Variants in ELP6 observed in about 807,000 individuals in gnomAD.
ELP6 encodes the protein elongator acetyltransferase complex subunit 6.
In ELP6, 23 loss-of-function variants were observed where a neutral mutation model predicts 28.1. The observed-to-expected ratio is 0.82, with a 90% CI of 0.59 to 1.16. The LOEUF (loss-of-function observed/expected upper bound fraction) is 1.16, where lower values mean the gene tolerates loss of function less well. Among genes scored for constraint, ELP6 ranks in the 50% most tolerant of loss-of-function variants. The pLI, the probability that ELP6 is intolerant of heterozygous loss-of-function variation, is 0.00. For missense variants in ELP6, 313 were observed against 334.6 expected (o/e 0.94, Z 0.50); for synonymous variants, 132 against 135.8 (o/e 0.97, Z 0.19).
intron 5 of ELP6, among the ~76,000 whole-genome samples, chr3:47,500,724 T>G (rs1407925421): frequency 6.6e-6 from 1 of 152,218 alleles, no homozygotes; most frequent in Non-Finnish European, 1.5e-5. Context: ...CCCTGGTTCC[T>G]GGCTCTGCAA....
At chr3:47,507,342 C>G (rs1486154197) in intron 3 of ELP6, among the ~76,000 whole-genome samples, 1 of 126,682 alleles carries the variant, frequency 7.9e-6, no homozygotes, top group Non-Finnish European at 1.6e-5. Flanking sequence ...GCCTGGGCAA[C>G]AAGAGTGAAA....
Position 47,495,967 on chromosome 3 carries a change from C to T in ELP6, c.*102G>A. The T allele has an allele frequency of 1.9e-6, 3 of 1,591,408 alleles. No homozygotes were observed. Among genetic ancestry groups the T allele is most frequent in the African/African-American group, 1.4e-5 (1 of 73,844 alleles). ...GTCACAGTGGAGTCGCCGGTCCAGCCTGAAATATTACTACAGAGGAGAAAG... is the reference window on the plus strand; with the variant it reads ...GTCACAGTGGAGTCGCCGGTCCAGCTTGAAATATTACTACAGAGGAGAAAG... On this transcript the variant is annotated 3_prime_UTR_variant, in exon 7 of 7. Transcript: ENST00000296149.
intron 1 of ELP6, 99 bp downstream of exon 1, chr3:47,513,438 C>T: frequency 1.3e-6 from 2 of 1,542,980 alleles, no homozygotes; most frequent in Non-Finnish European, 8.7e-7. Context: ...CGTGCCGGGT[C>T]GTCGCGCCAT....
rs2029998394 is a variant in ELP6, at chr3:47,513,611, G to A, written c.-21C>T. 1.9e-6 allele frequency: 3 copies of A among 1,612,934 alleles called. No homozygotes were observed. The highest frequency in any genetic ancestry group is 2.5e-6 in the Non-Finnish European group (3 of 1,179,392). On this transcript the variant is annotated 5_prime_UTR_variant, in exon 1 of 7. Transcript: ENST00000296149. ...AACATTCCGAGCTCCTGGGACTAGC[G>A]CTCTGGAGGAGAACCCGGAGTGCTG...
intron 1 of ELP6, chr3:47,511,713 G>T (rs1559595826): frequency 1.3e-6 from 1 of 746,402 alleles, no homozygotes; most frequent in Non-Finnish European, 1.6e-6. Context: ...TGCTGATACA[G>T]ATGTCTGATA....
Position 47,496,116 on chromosome 3 carries a change from T to C in ELP6, c.754A>G (p.Lys252Glu). Residue 252 changes from lysine to glutamate, a missense_variant, in exon 7 of 7, where the codon AAA (lysine) becomes GAA (glutamate). By Grantham distance (56) the Lys-to-Glu change is moderately conservative. Coordinates refer to ENST00000296149, the MANE Select transcript of ELP6 (RefSeq NM_001031703.3). ...CCTTTGGCAAAAAAGGACACGCTTT[T>C]GTCCTGTATCTTATACTGGTAAGTG... ...SFTYQYKIQD[K>E]SVSFFAKGMS... is the part of the protein sequence containing the mutation. 6.2e-7 allele frequency: 1 copy of C among 1,614,182 alleles called. No homozygotes were observed. The highest frequency in any genetic ancestry group is 1.1e-5 in the South Asian group (1 of 91,088).
At chr3:47,506,473 A>AG (rs1050445814) in intron 3 of ELP6, among the ~76,000 whole-genome samples, 1 of 152,138 alleles carries the variant, frequency 6.6e-6, no homozygotes, top group African/African-American at 2.4e-5. Flanking sequence ...GGCCATGCCC[A>AG]GGGGGGCCAG....
intron 3 of ELP6, among the ~76,000 whole-genome samples, chr3:47,505,140 G>A (rs1046703978): frequency 2.0e-5 from 3 of 151,890 alleles, no homozygotes; most frequent in African/African-American, 7.3e-5. Flanking sequence ...GGTGGCGGGC[G>A]CCTGCAATCC....
intron 3 of ELP6, among the ~76,000 whole-genome samples, chr3:47,508,438 GC>G (rs1708911257): frequency 6.6e-6 from 1 of 151,966 alleles, no homozygotes; most frequent in Non-Finnish European, 1.5e-5. Flanking sequence ...TAGAATGCAC[GC>G]CCCATGAGTG....
At chr3:47,499,438 G>A (rs1288373653) in intron 5 of ELP6, among the ~76,000 whole-genome samples, 1 of 150,606 alleles carries the variant, frequency 6.6e-6, no homozygotes, top group Non-Finnish European at 1.5e-5. Flanking sequence ...AGAATTGCTT[G>A]AACCCAGGAG....
chr3:47,504,543 C>T (rs1314624001), intron 3 of ELP6, 95 bp from the exon 4 acceptor site: 1 of 1,432,362 alleles, frequency 7.0e-7, no homozygotes, highest in Non-Finnish European at 9.2e-7. Context: ...ACCTTCCAAA[C>T]TTGGCAGAAG....
At chr3:47,511,367 C>G in intron 1 of ELP6, 141 bp from the exon 2 acceptor site, 1 of 1,407,740 alleles carries the variant, frequency 7.1e-7, no homozygotes, top group East Asian at 2.5e-5. Flanking sequence ...GCTAAGGTAC[C>G]CTGAAATGAT....
rs375500164 is a variant in ELP6 at position 47,513,538 on chromosome 3, T to A, written c.53A>T (p.Gln18Leu). 4.3e-6 allele frequency: 7 copies of A among 1,612,572 alleles called. No homozygotes were observed. Among genetic ancestry groups the A allele is most frequent in the South Asian group, 2.2e-5 (2 of 90,830 alleles). ...LLNTTPDRAEQGKLTLLCDAK... is the reference protein window; with the variant it reads ...LLNTTPDRAELGKLTLLCDAK... ...CTTCCGGCCAGCGGGACCTCTTACCTGCTCCGCCCTGTCGGGGGTGGTGTT... is the reference window on the plus strand; with the variant it reads ...CTTCCGGCCAGCGGGACCTCTTACCAGCTCCGCCCTGTCGGGGGTGGTGTT... The change falls in exon 1 of 7, where the codon CAG (glutamine) becomes CTG (leucine). Residue 18 changes from glutamine to leucine, a missense_variant and splice_region_variant. Physicochemically the swap from Gln to Leu is moderately radical, Grantham distance 113. Coordinates refer to ENST00000296149, the MANE Select transcript of ELP6 (RefSeq NM_001031703.3).
chr3:47,503,671 G>A (rs1708735094), intron 4 of ELP6, among the ~76,000 whole-genome samples: 1 of 152,152 alleles, frequency 6.6e-6, no homozygotes, highest in African/African-American at 2.4e-5. Flanking sequence ...GGGAGGCCGA[G>A]GCGGGCGGAT....
intron 4 of ELP6, chr3:47,502,565 T>C (rs1270487027): frequency 2.0e-6 from 2 of 984,808 alleles, no homozygotes; most frequent in African/African-American, 3.5e-5. Context: ...CTGGGCACAG[T>C]AGCTCACACC....
rs929811716 is a variant in ELP6 at position 47,513,525 on chromosome 3, G to A, written c.54+12C>T. On this transcript the variant is annotated intron_variant, in intron 1 of 6. Transcript: ENST00000296149. The stretch of plus-strand genomic sequence containing the variant: ...CAGGTCCCGCCCCCTTCCGGCCAGC[G>A]GGACCTCTTACCTGCTCCGCCCTGT... 25 of 1,610,894 alleles carry A rather than the reference G, an allele frequency of 1.6e-5. No homozygotes were observed. The highest frequency in any genetic ancestry group is 2.0e-5 in the Non-Finnish European group (23 of 1,178,694).
chr3:47,507,630 CAAAAAA>C (rs915946145), intron 3 of ELP6, among the ~76,000 whole-genome samples: 1 of 88,356 alleles, frequency 1.1e-5, no homozygotes, highest in African/African-American at 4.2e-5. Context: ...ACCCATTCTC[CAAAAAA>C]AAAAAAAAAA....
chr3:47,497,763 T>C lies in ELP6; in HGVS notation c.672+523A>G, dbSNP rs574135872. 1.7e-4 allele frequency among the ~76,000 whole-genome samples: 26 copies of C among 152,106 alleles called. 1 individual carries two copies. The highest frequency in any genetic ancestry group is 3.4e-4 in the Non-Finnish European group (23 of 67,976). Reference sequence around the variant, plus strand: ...GGCCAACATGGTGAAACCCCGTCTCTACTAAAAATATTTTAAAAATTAGCC... The same window carrying C: ...GGCCAACATGGTGAAACCCCGTCTCCACTAAAAATATTTTAAAAATTAGCC... On this transcript the variant is annotated intron_variant, in intron 6 of 6. Coordinates refer to ENST00000296149, the MANE Select transcript of ELP6 (RefSeq NM_001031703.3).
chr3:47,508,255 A>G (rs532450593), intron 3 of ELP6, among the ~76,000 whole-genome samples: 1 of 152,288 alleles, frequency 6.6e-6, no homozygotes, highest in South Asian at 2.1e-4. Flanking sequence ...GTATGTATGT[A>G]TTTATTGAGA....
Sources: allele counts gnomAD v4.1 joint callset (sites outside exome capture counted in the v4.1 genomes callset), GRCh38; gene constraint gnomAD v4.1.1; transcripts MANE v1.5; gene names NCBI Gene and HGNC (gene_info 2026-07-23, HGNC 2026-07-21).